Variants in SCMH1 observed in about 807,000 individuals in gnomAD.
SCMH1 encodes polycomb protein SCMH1.
Under a neutral mutation model 70.8 loss-of-function variants are expected in SCMH1, and 37 were observed. That is an observed-to-expected ratio of 0.52 (90% CI 0.40 to 0.69). SCMH1 has a LOEUF of 0.69. Ranked by LOEUF, SCMH1 falls within the 30% of genes least tolerant of loss-of-function variation. The pLI is 0.00. For missense variants in SCMH1, 607 were observed against 827.3 expected (o/e 0.73, Z 3.27); for synonymous variants, 292 against 307.4 (o/e 0.95, Z 0.52).
chr1:41,120,132 C>G (rs1447944835), intron 6 of SCMH1, among the ~76,000 whole-genome samples: 4 of 152,092 alleles, frequency 2.6e-5, no homozygotes, highest in Non-Finnish European at 1.5e-5. Flanking sequence ...TTAGAAAATT[C>G]AGGTTTAATG....
chr1:41,161,509 T>G (rs890755668), intron 2 of SCMH1, 77 bp from the exon 3 acceptor site: 11 of 1,438,430 alleles, frequency 7.6e-6, no homozygotes, highest in Admixed American at 2.8e-5. Flanking sequence ...CAGTATGTAT[T>G]AACAGTTTTT....
intron 1 of SCMH1, among the ~76,000 whole-genome samples, chr1:41,186,950 G>A (rs1440401302): frequency 2.0e-5 from 3 of 152,162 alleles, no homozygotes; most frequent in Non-Finnish European, 2.9e-5. Context: ...GGCACCCCAA[G>A]CACATGATCA....
chr1:41,178,931 C>T (rs947645182), intron 2 of SCMH1, among the ~76,000 whole-genome samples: 1 of 152,160 alleles, frequency 6.6e-6, no homozygotes, highest in Non-Finnish European at 1.5e-5. Flanking sequence ...ACAGAATATA[C>T]GTTCTTCTCA....
exon 12 of SCMH1, chr1:41,046,596 C>T (rs532112668): frequency 1.2e-5 from 20 of 1,613,856 alleles, no homozygotes; most frequent in East Asian, 4.5e-5. Context: ...CGGTCAAACA[C>T]GGCTGTGGAG....
At chr1:41,234,034 C>T (rs1661814789) in intron 1 of SCMH1, among the ~76,000 whole-genome samples, 1 of 152,124 alleles carries the variant, frequency 6.6e-6, no homozygotes, top group Non-Finnish European at 1.5e-5. Context: ...CCACATATTC[C>T]ACCTGGCAGA....
chr1:41,165,770 A>T (rs1430580487), intron 2 of SCMH1, among the ~76,000 whole-genome samples: 2 of 151,998 alleles, frequency 1.3e-5, no homozygotes, highest in African/African-American at 4.8e-5. Context: ...TTCCTAGTAT[A>T]TTTCGGATAT....
At chr1:41,037,311 T>C (rs754358527) in intron 13 of SCMH1, 51 bp downstream of exon 13, 9 of 1,565,368 alleles carry the variant, frequency 5.7e-6, no homozygotes, top group Non-Finnish European at 7.0e-6. Context: ...AGGAAGGAAG[T>C]GAAGGAAAGA....
chr1:41,178,870 C>G (rs944061145), intron 2 of SCMH1, among the ~76,000 whole-genome samples: 3 of 152,196 alleles, frequency 2.0e-5, no homozygotes, highest in African/African-American at 7.2e-5. Context: ...GAGCTCAGCT[C>G]TGCACCAAGC....
At chr1:41,142,885 T>A in exon 6 of SCMH1, 2 of 1,613,228 alleles carry the variant, frequency 1.2e-6, no homozygotes, top group Non-Finnish European at 1.7e-6. Flanking sequence ...CACCAAGAGG[T>A]GGCTGTAGCA....
chr1:41,224,115 C>CA (rs763083029), intron 1 of SCMH1, among the ~76,000 whole-genome samples: 1 of 152,180 alleles, frequency 6.6e-6, no homozygotes, highest in Admixed American at 6.5e-5. Flanking sequence ...TTCACCTCCT[C>CA]AGTCTACCTA....
intron 1 of SCMH1, among the ~76,000 whole-genome samples, chr1:41,190,664 C>G (rs896579875): frequency 6.6e-6 from 1 of 152,166 alleles, no homozygotes; most frequent in African/African-American, 2.4e-5. Context: ...GTAGCATGGA[C>G]AGTGTGTGTG....
intron 6 of SCMH1, among the ~76,000 whole-genome samples, chr1:41,131,203 T>C (rs1009649026): frequency 6.6e-6 from 1 of 152,218 alleles, no homozygotes; most frequent in Non-Finnish European, 1.5e-5. Context: ...TGACCATAAA[T>C]TGGTAGGTTC....
At chr1:41,160,391 G>A (rs998668847) in intron 4 of SCMH1, among the ~76,000 whole-genome samples, 3 of 152,042 alleles carry the variant, frequency 2.0e-5, no homozygotes, top group Non-Finnish European at 4.4e-5. Context: ...AAAACCAAAT[G>A]CAATTATTGG....
intron 1 of SCMH1, among the ~76,000 whole-genome samples, chr1:41,216,455 T>A (rs998206701): frequency 4.6e-5 from 7 of 152,140 alleles, no homozygotes; most frequent in Non-Finnish European, 8.8e-5. Context: ...ACCTTCACCA[T>A]GATGAAGGCA....
chr1:41,241,951 G>A (rs1312008642), intron 1 of SCMH1, 108 bp downstream of exon 1: 1 of 152,232 alleles, frequency 6.6e-6, no homozygotes, highest in African/African-American at 2.4e-5. Flanking sequence ...CCCCGGCCCG[G>A]GGGAGCAGGC....
intron 1 of SCMH1, among the ~76,000 whole-genome samples, chr1:41,235,091 A>G (rs1662094332): frequency 6.6e-6 from 1 of 152,102 alleles, no homozygotes; most frequent in African/African-American, 2.4e-5. Context: ...TTTTGAATAT[A>G]TTTCAACCAG....
intron 8 of SCMH1, among the ~76,000 whole-genome samples, chr1:41,102,708 T>C (rs1666916319): frequency 6.6e-6 from 1 of 152,192 alleles, no homozygotes. Flanking sequence ...TGACCTTAGT[T>C]TTCTAGGGCA....
At chr1:41,143,977 T>C (rs1644332765) in intron 5 of SCMH1, among the ~76,000 whole-genome samples, 1 of 152,230 alleles carries the variant, frequency 6.6e-6, no homozygotes, top group African/African-American at 2.4e-5. Context: ...GTTCCAGCTC[T>C]TGGCGATTAC....
At chr1:41,194,642 C>G (rs1351027640) in intron 1 of SCMH1, among the ~76,000 whole-genome samples, 1 of 152,090 alleles carries the variant, frequency 6.6e-6, no homozygotes, top group East Asian at 1.9e-4. Context: ...GGTCATTACA[C>G]AATAATAGGT....
Sources: gnomAD v4.1 joint callset for allele counts (sites outside exome capture counted in the v4.1 genomes callset) on GRCh38, gnomAD v4.1.1 for gene constraint, MANE v1.5 for transcripts, NCBI Gene and HGNC (gene_info 2026-07-23, HGNC 2026-07-21) for gene names.